Variants in KCNN2 observed in about 807,000 individuals in gnomAD.
KCNN2 encodes small conductance calcium-activated potassium channel protein 2.
Under a neutral mutation model 55.5 loss-of-function variants are expected in KCNN2, and 24 were observed. The observed-to-expected ratio is 0.43, with a 90% CI of 0.31 to 0.61. KCNN2 has a LOEUF of 0.61. Among genes scored for constraint, KCNN2 ranks in the 20% least tolerant of loss-of-function variants. The pLI, the probability that KCNN2 is intolerant of heterozygous loss-of-function variation, is 0.08. For synonymous variants in KCNN2, 431 were observed against 336.1 expected (o/e 1.28, Z -3.09); for missense variants, 754 against 853.6 (o/e 0.88, Z 1.45).
chr5:114,160,509 G>A (rs1273739502), intron 1 of KCNN2, among the ~76,000 whole-genome samples: 2 of 152,046 alleles, frequency 1.3e-5, no homozygotes, highest in Admixed American at 1.3e-4. Context: ...TTCTGTAGAT[G>A]TCTATTAGGT....
chr5:114,447,778 A>C (rs376270635), intron 3 of KCNN2, among the ~76,000 whole-genome samples: 1 of 152,228 alleles, frequency 6.6e-6, no homozygotes, highest in South Asian at 2.1e-4. Flanking sequence ...TTACAAGTGT[A>C]TTTTGATGAG....
Position 114,078,584 on chromosome 5 carries a change from G to C in KCNN2, c.-271+22084G>C, listed in dbSNP as rs187639817. 5.3e-5 allele frequency among the ~76,000 whole-genome samples: 8 copies of C among 152,266 alleles called. No individual in the cohort carries two copies. The East Asian group carries it at 1.5e-3, about 29-fold the overall frequency. ...GAAACTGGAGCAGAAGGATAAATCA[G>C]TTCCTATGGGGGTGGGATTTCATAG... is the stretch of plus-strand genomic sequence containing the variant. On this transcript the variant is annotated intron_variant, in intron 1 of 10. Coordinates refer to the KCNN2 transcript ENST00000512097.
chr5:114,338,625 G>A (rs1047059841), intron 2 of KCNN2, among the ~76,000 whole-genome samples: 33 of 152,300 alleles, frequency 2.2e-4, no homozygotes, highest in African/African-American at 7.7e-4. Flanking sequence ...ATATGGGGAG[G>A]TTAGATACCA....
At chr5:114,130,412 G>A (rs1752048181) in intron 1 of KCNN2, among the ~76,000 whole-genome samples, 1 of 152,180 alleles carries the variant, frequency 6.6e-6, no homozygotes, top group Non-Finnish European at 1.5e-5. Flanking sequence ...TGAGGACATG[G>A]GAAGAAATAT....
intron 3 of KCNN2, among the ~76,000 whole-genome samples, chr5:114,457,024 C>T (rs894980272): frequency 1.1e-4 from 17 of 152,158 alleles, no homozygotes; most frequent in Non-Finnish European, 4.4e-5. Flanking sequence ...GTTGATAAAG[C>T]TGTGTCACGG....
chr5:114,150,023 G>A (rs1276702141), intron 1 of KCNN2, among the ~76,000 whole-genome samples: 1 of 152,114 alleles, frequency 6.6e-6, no homozygotes, highest in Non-Finnish European at 1.5e-5. Flanking sequence ...TCTGGGATAG[G>A]AATCTTGGTG....
chr5:114,126,500 C>T (rs1289813743), intron 1 of KCNN2, among the ~76,000 whole-genome samples: 1 of 152,084 alleles, frequency 6.6e-6, no homozygotes, highest in Non-Finnish European at 1.5e-5. Flanking sequence ...CTCATGAGAA[C>T]AGGATGTAGG....
chr5:114,075,554 G>C (rs1434096826), intron 1 of KCNN2, among the ~76,000 whole-genome samples: 2 of 152,086 alleles, frequency 1.3e-5, no homozygotes, highest in Non-Finnish European at 2.9e-5. Context: ...TGTCATATTG[G>C]CAAGCAAAAA....
At chr5:114,402,597 A>G (rs1200709559) in intron 2 of KCNN2, among the ~76,000 whole-genome samples, 1 of 152,154 alleles carries the variant, frequency 6.6e-6, no homozygotes, top group Non-Finnish European at 1.5e-5. Context: ...GGCTGTAGGT[A>G]AGATTGTGGC....
intron 2 of KCNN2, among the ~76,000 whole-genome samples, chr5:114,275,171 C>T (rs1580683418): frequency 6.6e-6 from 1 of 152,038 alleles, no homozygotes; most frequent in African/African-American, 2.4e-5. Flanking sequence ...GCCTTGCATC[C>T]CAGGGATGAA....
chr5:114,333,037 T>A (rs1756852817), intron 2 of KCNN2, among the ~76,000 whole-genome samples: 1 of 152,156 alleles, frequency 6.6e-6, no homozygotes, highest in Non-Finnish European at 1.5e-5. Context: ...AGTAGATGCA[T>A]TTTTACCCAT....
At chr5:114,453,225 G>T (rs1279825066) in intron 3 of KCNN2, among the ~76,000 whole-genome samples, 1 of 152,118 alleles carries the variant, frequency 6.6e-6, no homozygotes, top group African/African-American at 2.4e-5. Context: ...TGCTTTGTGG[G>T]CAAGCCAAGG....
At chr5:114,126,360 C>T (rs1751930061) in intron 1 of KCNN2, among the ~76,000 whole-genome samples, 1 of 152,068 alleles carries the variant, frequency 6.6e-6, no homozygotes, top group Admixed American at 6.5e-5. Flanking sequence ...CCTCAGGAAA[C>T]TTACAGTCAT....
intron 1 of KCNN2, among the ~76,000 whole-genome samples, chr5:114,198,608 T>C (rs1039708547): frequency 6.6e-6 from 1 of 152,046 alleles, no homozygotes. Flanking sequence ...TTTCTTTCCC[T>C]CTGGGTACAT....
chr5:114,084,789 G>C (rs977709731), intron 1 of KCNN2, among the ~76,000 whole-genome samples: 1 of 151,686 alleles, frequency 6.6e-6, no homozygotes, highest in African/African-American at 2.4e-5. Flanking sequence ...GAAATTTTAC[G>C]GTTTTTGGTT....
intron 4 of KCNN2, among the ~76,000 whole-genome samples, chr5:114,465,484 T>C (rs1447013853): frequency 1.3e-5 from 2 of 152,058 alleles, no homozygotes; most frequent in Non-Finnish European, 2.9e-5. Context: ...TGGTGGCACA[T>C]GCCTATAATC....
chr5:114,231,710 A>G (rs1387273968), intron 2 of KCNN2, among the ~76,000 whole-genome samples: 1 of 151,216 alleles, frequency 6.6e-6, no homozygotes, highest in African/African-American at 2.5e-5. Context: ...ATGACAGCCA[A>G]TTAAGGGAAA....
At chr5:114,274,204 T>C (rs546327845) in intron 2 of KCNN2, among the ~76,000 whole-genome samples, 4 of 151,068 alleles carry the variant, frequency 2.6e-5, no homozygotes, top group Admixed American at 2.0e-4. Flanking sequence ...TCTATATATC[T>C]GTTTTGGTAC....
chr5:114,259,343 A>G (rs1755051907), intron 2 of KCNN2, among the ~76,000 whole-genome samples: 1 of 152,168 alleles, frequency 6.6e-6, no homozygotes, highest in Admixed American at 6.5e-5. Context: ...CTGAGCAGGC[A>G]CTGATGAATG....
Sources: allele counts gnomAD v4.1 joint callset (sites outside exome capture counted in the v4.1 genomes callset), GRCh38; gene constraint gnomAD v4.1.1; transcripts MANE v1.5; gene names NCBI Gene and HGNC (gene_info 2026-07-23, HGNC 2026-07-21).